The following SMAD6 variants were observed in gnomAD, a reference collection of about 807,000 sequenced individuals.
SMAD6 encodes the protein MAD homolog 6.
In SMAD6, 103 loss-of-function variants were observed where a neutral mutation model predicts 39.4. That is an observed-to-expected ratio of 2.62 (90% CI 2.23 to 3.08). SMAD6 has a LOEUF of 3.08. SMAD6 is among the 30% of genes most tolerant of loss of function. SMAD6 has a pLI of 0.00. For synonymous variants in SMAD6, 445 were observed against 353.3 expected, an observed-to-expected ratio of 1.26 and a Z score of -2.91; for missense variants, 1,104 against 742.9, an observed-to-expected ratio of 1.49 and a Z score of -5.65.
At chr15:66,733,246 T>C (rs1893660760) in intron 3 of SMAD6, among the ~76,000 whole-genome samples, 1 of 152,226 alleles carries the variant, frequency 6.6e-6, no homozygotes, top group South Asian at 2.1e-4. Flanking sequence ...GTGAGTCTTT[T>C]GTCTTTTTCA....
intron 3 of SMAD6, among the ~76,000 whole-genome samples, chr15:66,720,818 A>G (rs921866054): frequency 2.6e-5 from 4 of 152,184 alleles, no homozygotes; most frequent in African/African-American, 9.6e-5. Flanking sequence ...AGCTATGTGT[A>G]AGGCATGGTC....
chr15:66,721,944 A>G (rs908263758), intron 3 of SMAD6, among the ~76,000 whole-genome samples: 11 of 152,132 alleles, frequency 7.2e-5, no homozygotes, highest in African/African-American at 2.2e-4. Context: ...AAATGAATGG[A>G]AGTCAGAAAG....
intron 3 of SMAD6, among the ~76,000 whole-genome samples, chr15:66,726,039 C>G (rs984324458): frequency 6.6e-6 from 1 of 152,322 alleles, no homozygotes; most frequent in Non-Finnish European, 1.5e-5. Context: ...GTGTGGTCTG[C>G]AAACCACACA....
chr15:66,739,722 CG>C (rs1350129077), intron 3 of SMAD6, among the ~76,000 whole-genome samples: 1 of 152,118 alleles, frequency 6.6e-6, no homozygotes, highest in East Asian at 1.9e-4. Context: ...CAAAGAGATG[CG>C]GGGAGGGAAA....
rs747624003 is a variant in SMAD6, at chr15:66,711,736, C to T, written c.874+12C>T. On this transcript the variant is annotated intron_variant, in intron 2 of 3. Coordinates refer to ENST00000288840, the MANE Select transcript of SMAD6 (RefSeq NM_005585.5). ...GTACAAGCCACTGGGTAAGTGTGCC[C>T]TCCTTCCTACCCTTGCAGAGGTGTG... The T allele has an allele frequency of 1.1e-5, 17 of 1,608,134 alleles. No individual in the cohort carries two copies. In the South Asian group the frequency reaches 1.4e-4, roughly 14 times the overall value.
At chr15:66,770,108 G>A (rs910094433) in intron 3 of SMAD6, among the ~76,000 whole-genome samples, 15 of 152,316 alleles carry the variant, frequency 9.8e-5, no homozygotes, top group Middle Eastern at 3.4e-3. Context: ...GATTGCAGCC[G>A]TGAGCCACTG....
intron 3 of SMAD6, among the ~76,000 whole-genome samples, chr15:66,763,072 C>G (rs1005791250): frequency 3.9e-5 from 6 of 152,158 alleles, no homozygotes; most frequent in African/African-American, 1.4e-4. Flanking sequence ...AGAAGATGTC[C>G]AAAGTGCCCT....
chr15:66,705,759 G>C (rs1181198807), intron 1 of SMAD6: 1 of 152,946 alleles, frequency 6.5e-6, no homozygotes, highest in African/African-American at 2.4e-5. Flanking sequence ...ATCCCACCAG[G>C]GATTTATGGG....
chr15:66,780,939 C>T (rs894410375), intron 3 of SMAD6, 58 bp from the exon 4 acceptor site: 9 of 1,476,926 alleles, frequency 6.1e-6, no homozygotes, highest in Admixed American at 4.1e-5. Context: ...CTCCGCTCCT[C>T]GGTGCCTCCC....
At chr15:66,728,982 T>C (rs1456581401) in intron 3 of SMAD6, among the ~76,000 whole-genome samples, 1 of 152,238 alleles carries the variant, frequency 6.6e-6, no homozygotes, top group Admixed American at 6.5e-5. Context: ...CCTTATTAGA[T>C]ACTGTGCCAG....
intron 1 of SMAD6, among the ~76,000 whole-genome samples, chr15:66,710,975 G>T (rs1318672622): frequency 6.6e-6 from 1 of 152,182 alleles, no homozygotes; most frequent in Non-Finnish European, 1.5e-5. Flanking sequence ...GTCCTCCCCT[G>T]CACCTAGGAA....
In SMAD6 at chr15:66,717,518, A is replaced by G. The variant is rs183377941; in HGVS notation, c.952+1020A>G. The G allele has an allele frequency of 1.8e-3, 781 of 443,086 alleles. 2 individuals carry two copies. Among genetic ancestry groups the G allele is most frequent in the Non-Finnish European group, 2.5e-3 (549 of 215,652 alleles). The allele number at this position is 443,086 out of a possible 1,614,324, so 27.4% of individuals were successfully genotyped here. On this transcript the variant is annotated intron_variant, in intron 3 of 3. Coordinates refer to ENST00000288840, the MANE Select transcript of SMAD6 (RefSeq NM_005585.5). The stretch of plus-strand genomic sequence containing the variant: ...TCTGCAAGGGCCAAATGTACCTTCA[A>G]TAAATGTATTTCCCCTAAAGTCCTG...
At chr15:66,751,963 G>A (rs1040102053) in intron 3 of SMAD6, among the ~76,000 whole-genome samples, 19 of 151,838 alleles carry the variant, frequency 1.3e-4, no homozygotes, top group Admixed American at 9.2e-4. Flanking sequence ...TACTCCTTCC[G>A]TAGGAAGCTG....
intron 3 of SMAD6, among the ~76,000 whole-genome samples, chr15:66,730,033 G>A (rs912215483): frequency 5.3e-5 from 8 of 152,214 alleles, no homozygotes; most frequent in South Asian, 2.1e-4. Flanking sequence ...GTTAAAGCCC[G>A]AGATCCCAGA....
At chr15:66,715,020 G>A (rs1417986950) in intron 2 of SMAD6, among the ~76,000 whole-genome samples, 1 of 139,016 alleles carries the variant, frequency 7.2e-6, no homozygotes, top group Non-Finnish European at 1.5e-5. Context: ...CTTCCCACTT[G>A]AGCACTGAGC....
intron 3 of SMAD6, among the ~76,000 whole-genome samples, chr15:66,752,808 AT>A (rs370820540): frequency 6.6e-5 from 10 of 151,498 alleles, no homozygotes; most frequent in East Asian, 1.9e-4. Flanking sequence ...AAAAATAATA[AT>A]AAAAAAATAC....
rs1439809491 is a variant in SMAD6 at position 66,703,471 on chromosome 15, A to G, written c.213A>G (p.Ala71=). Residue 71 remains alanine, a synonymous_variant, in exon 1 of 4, where the codon GCA becomes GCG. Transcript: ENST00000288840. Reference sequence around the variant, plus strand: ...TAGCCCCGCGGCGGCCCCGGGACGCAGTGGGACAGCGAGGCGCCCAGGGCG... The same window carrying G: ...TAGCCCCGCGGCGGCCCCGGGACGCGGTGGGACAGCGAGGCGCCCAGGGCG... The part of the protein sequence containing the change: ...RPVAPRRPRD[A]VGQRGAQGAG... The G allele has an allele frequency of 1.6e-6, 2 of 1,246,626 alleles. No homozygotes were observed. The highest frequency in any genetic ancestry group is 4.3e-5 in the Admixed American group (1 of 23,396). The allele number at this position is 1,246,626 out of a possible 1,614,324, so 77.2% of individuals were successfully genotyped here.
intron 3 of SMAD6, among the ~76,000 whole-genome samples, chr15:66,777,099 A>C (rs948129668): frequency 8.1e-6 from 1 of 122,820 alleles, no homozygotes; most frequent in Non-Finnish European, 1.7e-5. Flanking sequence ...TGTTAAAAAC[A>C]TGTGTTGGTT....
At chr15:66,777,936 T>C (rs1894494614) in intron 3 of SMAD6, among the ~76,000 whole-genome samples, 1 of 152,030 alleles carries the variant, frequency 6.6e-6, no homozygotes, top group South Asian at 2.1e-4. Context: ...AGTCATAGGG[T>C]ACCATAAGGT....
Sources: allele counts gnomAD v4.1 joint callset (sites outside exome capture counted in the v4.1 genomes callset), GRCh38; gene constraint gnomAD v4.1.1; transcripts MANE v1.5; gene names NCBI Gene and HGNC (gene_info 2026-07-23, HGNC 2026-07-21).